The following VAMP7 variants were observed in gnomAD, a reference collection of about 807,000 sequenced individuals.
VAMP7 encodes the protein vesicle associated membrane protein 7.
A neutral mutation model predicts 29.6 loss-of-function variants in VAMP7; 14 were observed. That is an observed-to-expected ratio of 0.47 (90% CI 0.31 to 0.74). The LOEUF (loss-of-function observed/expected upper bound fraction) is 0.74, where lower values mean the gene tolerates loss of function less well. Ranked by LOEUF, VAMP7 falls within the 30% of genes least tolerant of loss-of-function variation. The pLI is 0.05. For missense variants in VAMP7, 223 were observed against 262.4 expected, an observed-to-expected ratio of 0.85 and a Z score of 1.04; for synonymous variants, 95 against 88.1, an observed-to-expected ratio of 1.08 and a Z score of -0.44.
At chrX:155,922,575 C>A (rs929852336) in intron 6 of VAMP7, among the ~76,000 whole-genome samples, 12 of 151,956 alleles carry the variant, frequency 7.9e-5, no homozygotes, top group African/African-American at 2.9e-4. Flanking sequence ...GACTTACTAC[C>A]CTTCTTATAT....
chrX:155,896,906 T>C (rs186849258), intron 3 of VAMP7, among the ~76,000 whole-genome samples: 36 of 152,128 alleles, frequency 2.4e-4, no homozygotes, highest in African/African-American at 8.2e-4. Flanking sequence ...AGAATGCTTT[T>C]AAATGTATAA....
Position 155,917,847 on chromosome X carries a change from C to T in VAMP7, c.434-1966C>T, listed in dbSNP as rs1431147959. Among the ~76,000 whole-genome samples the T allele has an allele frequency of 2.0e-5, 3 of 152,108 alleles. No homozygotes were observed. The East Asian group carries it at 5.8e-4, about 29-fold the overall frequency. On this transcript the variant is annotated intron_variant, in intron 5 of 7. Transcript: ENST00000286448. The stretch of plus-strand genomic sequence containing the variant: ...GAGCTTGAGCACTGTGCTGGGATTG[C>T]CGCTGCTCTCTTCCGAACTGGCAGG...
chrX:155,932,340 G>C (rs928586157), intron 6 of VAMP7, among the ~76,000 whole-genome samples: 1 of 152,156 alleles, frequency 6.6e-6, no homozygotes, highest in Admixed American at 6.5e-5. Flanking sequence ...CTATCCATGA[G>C]CATGGAATGT....
At chrX:155,922,921 A>C (rs1315070221) in intron 6 of VAMP7, among the ~76,000 whole-genome samples, 1 of 151,850 alleles carries the variant, frequency 6.6e-6, no homozygotes, top group African/African-American at 2.4e-5. Context: ...TGGATTTAGT[A>C]CATTTGTTAT....
rs1330642200 is a variant in VAMP7, at chrX:155,931,224, C to G, written c.502-8477C>G. 2.0e-5 allele frequency among the ~76,000 whole-genome samples: 3 copies of G among 151,998 alleles called. No homozygotes were observed. In the East Asian group the frequency reaches 5.8e-4, roughly 29 times the overall value. On this transcript the variant is annotated intron_variant, in intron 6 of 7. Transcript: ENST00000286448. ...GATTTATAATCCTTTGGGTATATAC[C>G]CAGTAATGGGATGGCTGGGTCAAAT... is the stretch of plus-strand genomic sequence containing the variant.
intron 6 of VAMP7, among the ~76,000 whole-genome samples, chrX:155,932,238 A>T (rs765257332): frequency 3.9e-5 from 6 of 152,226 alleles, no homozygotes; most frequent in South Asian, 2.1e-4. Context: ...TTTCCAATTC[A>T]GTGAAGAAAG....
intron 5 of VAMP7, among the ~76,000 whole-genome samples, chrX:155,906,376 T>A (rs1433076545): frequency 2.0e-5 from 3 of 152,114 alleles, no homozygotes; most frequent in African/African-American, 7.2e-5. Context: ...CCTCACTCTG[T>A]TCATTGGCCA....
intron 1 of VAMP7, among the ~76,000 whole-genome samples, chrX:155,883,840 A>G (rs1354875939): frequency 6.6e-6 from 1 of 151,276 alleles, no homozygotes; most frequent in Non-Finnish European, 1.5e-5. Flanking sequence ...CCCCCTGAGT[A>G]GCTGGGATTA....
intron 6 of VAMP7, among the ~76,000 whole-genome samples, chrX:155,937,992 T>C (rs754211866): frequency 6.6e-6 from 1 of 152,350 alleles, no homozygotes; most frequent in African/African-American, 2.4e-5. Context: ...GTTCTGCTTT[T>C]AAAAAATTAT....
chrX:155,891,675 A>G (rs963339727), intron 2 of VAMP7, among the ~76,000 whole-genome samples: 5 of 152,238 alleles, frequency 3.3e-5, no homozygotes, highest in African/African-American at 4.8e-5. Flanking sequence ...CTGACCAGGA[A>G]GTGGTTAGTG....
At chrX:155,894,234 A>G (rs928606260) in intron 2 of VAMP7, among the ~76,000 whole-genome samples, 4 of 146,460 alleles carry the variant, frequency 2.7e-5, no homozygotes, top group African/African-American at 1.0e-4. Flanking sequence ...TACCCGGTAT[A>G]CTGCAGTAGT....
chrX:155,894,142 T>C (rs1031962044), intron 2 of VAMP7, among the ~76,000 whole-genome samples: 2 of 152,150 alleles, frequency 1.3e-5, no homozygotes, highest in Admixed American at 6.5e-5. Flanking sequence ...CACCAAGTTC[T>C]ATAAATGCTG....
chrX:155,917,626 A>G (rs1181708051), intron 5 of VAMP7, among the ~76,000 whole-genome samples: 2 of 152,218 alleles, frequency 1.3e-5, no homozygotes, highest in South Asian at 2.1e-4. Flanking sequence ...CCTGGGTATC[A>G]CCAGCGGAGG....
chrX:155,905,375 T>A (rs2124296418), intron 5 of VAMP7, among the ~76,000 whole-genome samples: 1 of 152,298 alleles, frequency 6.6e-6, no homozygotes, highest in East Asian at 1.9e-4. Flanking sequence ...GTGAGTTGTC[T>A]TTTCATTTTC....
chrX:155,891,287 C>T (rs4893100), intron 2 of VAMP7, among the ~76,000 whole-genome samples: 98,113 of 152,000 alleles, frequency 0.65, 32,148 homozygotes, highest in African/African-American at 0.77. Context: ...AGTCTACTCT[C>T]CTGGCCACCC....
intron 6 of VAMP7, among the ~76,000 whole-genome samples, chrX:155,932,782 G>A (rs2066581783): frequency 6.6e-6 from 1 of 152,076 alleles, no homozygotes; most frequent in African/African-American, 2.4e-5. Context: ...CCTATCTTGT[G>A]CCAGTTTTCA....
intron 5 of VAMP7, among the ~76,000 whole-genome samples, chrX:155,915,779 C>T (rs1052499439): frequency 6.6e-6 from 1 of 152,048 alleles, no homozygotes; most frequent in Non-Finnish European, 1.5e-5. Context: ...TGTTTTACTT[C>T]CAATTATGTG....
intron 5 of VAMP7, among the ~76,000 whole-genome samples, chrX:155,900,970 A>G (rs913491364): frequency 3.3e-5 from 5 of 152,126 alleles, no homozygotes; most frequent in South Asian, 2.1e-4. Flanking sequence ...CTGTTTTGCA[A>G]CCAGATAAGG....
At chrX:155,900,736 C>T in intron 5 of VAMP7, 149 bp downstream of exon 5, 1 of 665,198 alleles carries the variant, frequency 1.5e-6, no homozygotes, top group East Asian at 2.8e-5. Context: ...GTGATACTGT[C>T]TGCTTGTGCA....
Sources: gnomAD v4.1 joint callset for allele counts (sites outside exome capture counted in the v4.1 genomes callset) on GRCh38, gnomAD v4.1.1 for gene constraint, MANE v1.5 for transcripts, NCBI Gene and HGNC (gene_info 2026-07-23, HGNC 2026-07-21) for gene names.